Variants in EPHA6 observed in about 807,000 individuals in gnomAD.
EPHA6 encodes ephrin type-A receptor 6.
In EPHA6, 50 loss-of-function variants were observed where a neutral mutation model predicts 112.0. That is an observed-to-expected ratio of 0.45 (90% CI 0.36 to 0.56). The LOEUF (loss-of-function observed/expected upper bound fraction) is 0.56, where lower values mean the gene tolerates loss of function less well. Among genes scored for constraint, EPHA6 ranks in the 20% least tolerant of loss-of-function variants. The pLI is 0.00. For missense variants in EPHA6, 1,280 were observed against 1,417.4 expected (o/e 0.90, Z 1.56); for synonymous variants, 529 against 490.7 (o/e 1.08, Z -1.03).
intron 2 of EPHA6, among the ~76,000 whole-genome samples, chr3:96,973,506 G>A (rs1030887611): frequency 6.6e-6 from 1 of 152,018 alleles, no homozygotes; most frequent in African/African-American, 2.4e-5. Flanking sequence ...AAATAAATCT[G>A]TCATTAAATC....
At chr3:97,283,525 TGAAATGGTGATTATA>T (rs1221532814) in intron 5 of EPHA6, among the ~76,000 whole-genome samples, 2 of 151,998 alleles carry the variant, frequency 1.3e-5, no homozygotes, top group Admixed American at 6.6e-5. Flanking sequence ...TAATATTAAA[TGAAATGGTGATTATA>T]GAAATGGTGA....
chr3:97,069,141 G>T (rs896106026), intron 3 of EPHA6, among the ~76,000 whole-genome samples: 2 of 151,992 alleles, frequency 1.3e-5, no homozygotes, highest in Non-Finnish European at 1.5e-5. Context: ...TAGCCTACTC[G>T]ACCAAATGCC....
intron 3 of EPHA6, among the ~76,000 whole-genome samples, chr3:97,114,089 C>T (rs1033297720): frequency 1.3e-5 from 2 of 152,036 alleles, no homozygotes; most frequent in African/African-American, 4.8e-5. Flanking sequence ...ATTCAGAATA[C>T]AACAGTAAAA....
chr3:97,533,598 A>G (rs2092719754), intron 11 of EPHA6, among the ~76,000 whole-genome samples: 1 of 151,982 alleles, frequency 6.6e-6, no homozygotes, highest in Admixed American at 6.6e-5. Flanking sequence ...GTTTTTTCCC[A>G]TATTGATTCT....
Position 97,447,578 on chromosome 3 carries a change from C to A in EPHA6, c.1732-990C>A, listed in dbSNP as rs149932453. ...ATTGTAAAGTTATTGAATAATAACA[C>A]CATACAAAAACAGTGTAGGTTTAAT... On this transcript the variant is annotated intron_variant, in intron 6 of 17. Transcript: ENST00000389672. 7.7e-3 allele frequency: 1,272 copies of A among 164,554 alleles called. 14 individuals carry two copies. The highest frequency in any genetic ancestry group is 0.027 in the African/African-American group (1,127 of 41,854). 10.2% of individuals were successfully genotyped at this position (164,554 alleles called of 1,614,324 possible).
chr3:96,848,627 T>TA (rs200514665), intron 1 of EPHA6, among the ~76,000 whole-genome samples: 8,699 of 151,882 alleles, frequency 0.057, 382 homozygotes, highest in Non-Finnish European at 0.085. Context: ...TCCGTCTATT[T>TA]AAAAAAAATT....
chr3:97,147,981 A>G (rs546875602), intron 3 of EPHA6, among the ~76,000 whole-genome samples: 1 of 152,142 alleles, frequency 6.6e-6, no homozygotes, highest in Non-Finnish European at 1.5e-5. Flanking sequence ...ATGGGAAACT[A>G]GGTGAGGGGT....
intron 11 of EPHA6, among the ~76,000 whole-genome samples, chr3:97,539,457 C>T (rs948143235): frequency 3.3e-5 from 5 of 152,114 alleles, no homozygotes; most frequent in African/African-American, 1.2e-4. Context: ...GTTCCAGGCA[C>T]TTTTCTAAGC....
intron 3 of EPHA6, among the ~76,000 whole-genome samples, chr3:97,156,100 T>C (rs1338282700): frequency 6.6e-6 from 1 of 152,130 alleles, no homozygotes; most frequent in East Asian, 1.9e-4. Flanking sequence ...ATAATACAAA[T>C]GTGAAGTTAT....
At chr3:96,964,051 A>G (rs1024109683) in intron 2 of EPHA6, among the ~76,000 whole-genome samples, 3 of 152,124 alleles carry the variant, frequency 2.0e-5, no homozygotes, top group African/African-American at 7.2e-5. Flanking sequence ...ATAGGTTTAT[A>G]TATTATGGGT....
At chr3:97,430,559 T>C (rs927073039) in intron 6 of EPHA6, among the ~76,000 whole-genome samples, 16 of 152,088 alleles carry the variant, frequency 1.1e-4, no homozygotes, top group African/African-American at 3.9e-4. Context: ...ATACCCTACA[T>C]TGGAATTCAT....
At chr3:96,869,087 A>G (rs1353884121) in intron 2 of EPHA6, among the ~76,000 whole-genome samples, 1 of 152,042 alleles carries the variant, frequency 6.6e-6, no homozygotes, top group Non-Finnish European at 1.5e-5. Context: ...TTATCAATTC[A>G]TTTGTGCCAA....
At chr3:97,508,322 A>G (rs767510526) in intron 10 of EPHA6, among the ~76,000 whole-genome samples, 3 of 152,156 alleles carry the variant, frequency 2.0e-5, no homozygotes, top group Non-Finnish European at 4.4e-5. Context: ...TCCCCTCTAA[A>G]CACTGCTTTA....
At chr3:97,630,064 T>A (rs138426199) in intron 13 of EPHA6, among the ~76,000 whole-genome samples, 2 of 152,156 alleles carry the variant, frequency 1.3e-5, no homozygotes, top group African/African-American at 4.8e-5. Context: ...GCTCTTAACA[T>A]GTAATTCTGA....
At position 97,592,712 on chromosome 3, in the gene EPHA6, A is replaced by T; in HGVS notation, c.2487A>T (p.Gly829=). 2.5e-6 allele frequency: 4 copies of T among 1,601,290 alleles called. No homozygotes were observed. The highest frequency in any genetic ancestry group is 1.3e-5 in the African/African-American group (1 of 74,098). ...CCCCGCATCCAGTGCCAGGGGGAGG[A>T]TCTTTGCCCCCCAGGATTCCTGCTG... The part of the protein sequence containing the change: ...IQAPHPVPGG[G]SLPPRIPAGR... Residue 829 remains glycine, a synonymous_variant, in exon 12 of 18, where the codon GGA becomes GGT. Transcript: ENST00000389672.
At chr3:97,194,319 T>C (rs2077384051) in intron 3 of EPHA6, among the ~76,000 whole-genome samples, 1 of 151,964 alleles carries the variant, frequency 6.6e-6, no homozygotes, top group Non-Finnish European at 1.5e-5. Flanking sequence ...TAATTTCTTC[T>C]TTTACCCACT....
intron 11 of EPHA6, among the ~76,000 whole-genome samples, chr3:97,579,415 A>T (rs1156344392): frequency 6.6e-6 from 1 of 152,204 alleles, no homozygotes; most frequent in African/African-American, 2.4e-5. Flanking sequence ...ATTGAGATTG[A>T]GCCAACTGCT....
At chr3:96,831,352 C>T (rs2034066273) in intron 1 of EPHA6, among the ~76,000 whole-genome samples, 1 of 152,012 alleles carries the variant, frequency 6.6e-6, no homozygotes, top group African/African-American at 2.4e-5. Flanking sequence ...GTCATCAGCC[C>T]CTGATCCTCC....
chr3:97,153,830 C>T (rs1407222594), intron 3 of EPHA6, among the ~76,000 whole-genome samples: 1 of 151,980 alleles, frequency 6.6e-6, no homozygotes, highest in Non-Finnish European at 1.5e-5. Flanking sequence ...TCAGAAATTC[C>T]AATATGGTCA....
Sources: allele counts gnomAD v4.1 joint callset (sites outside exome capture counted in the v4.1 genomes callset), GRCh38; gene constraint gnomAD v4.1.1; transcripts MANE v1.5; gene names NCBI Gene and HGNC (gene_info 2026-07-23, HGNC 2026-07-21).